The following MINAR2 variants were observed in gnomAD, a reference collection of about 807,000 sequenced individuals.
The protein encoded by MINAR2 is membrane integral NOTCH2 associated receptor 2.
In MINAR2, 21 loss-of-function variants were observed where a neutral mutation model predicts 16.1. The observed-to-expected ratio is 1.31, with a 90% CI of 0.93 to 1.88. The LOEUF (loss-of-function observed/expected upper bound fraction) is 1.88. Ranked by LOEUF, MINAR2 falls within the 40% of genes most tolerant of loss-of-function variation. The pLI, the probability that MINAR2 is intolerant of heterozygous loss-of-function variation, is 0.00. For missense variants in MINAR2, 259 were observed against 229.8 expected, an observed-to-expected ratio of 1.13 and a Z score of -0.82; for synonymous variants, 86 against 83.0, an observed-to-expected ratio of 1.04 and a Z score of -0.20.
intron 1 of MINAR2, among the ~76,000 whole-genome samples, chr5:129,751,234 A>G (rs1757981161): frequency 6.6e-6 from 1 of 151,850 alleles, no homozygotes; most frequent in African/African-American, 2.4e-5. Flanking sequence ...TCTGAGACAT[A>G]GTCTCACTCT....
intron 1 of MINAR2, among the ~76,000 whole-genome samples, chr5:129,749,667 A>C (rs1004119161): frequency 1.6e-4 from 25 of 152,314 alleles, no homozygotes; most frequent in African/African-American, 6.0e-4. Flanking sequence ...AAATCAGTTC[A>C]GAAAACTTGG....
chr5:129,759,172 G>C (rs988889627), intron 1 of MINAR2, among the ~76,000 whole-genome samples: 1 of 152,012 alleles, frequency 6.6e-6, no homozygotes, highest in Non-Finnish European at 1.5e-5. Flanking sequence ...GACAGCATCA[G>C]AGTATTGATA....
intron 1 of MINAR2, among the ~76,000 whole-genome samples, chr5:129,754,113 A>G (rs982855225): frequency 6.6e-6 from 1 of 152,158 alleles, no homozygotes; most frequent in Non-Finnish European, 1.5e-5. Flanking sequence ...GAAAGCCTAT[A>G]TTAAAGGTAC....
intron 2 of MINAR2, among the ~76,000 whole-genome samples, chr5:129,761,534 A>C (rs933724150): frequency 7.9e-5 from 12 of 152,154 alleles, no homozygotes; most frequent in Admixed American, 7.2e-4. Flanking sequence ...GAATCTTTGA[A>C]GTTTCTTAAT....
At chr5:129,752,536 C>T (rs1039664392) in intron 1 of MINAR2, among the ~76,000 whole-genome samples, 1 of 151,956 alleles carries the variant, frequency 6.6e-6, no homozygotes, top group African/African-American at 2.4e-5. Flanking sequence ...AACATGTGGA[C>T]GCAGGGAGGG....
chr5:129,762,511 G>A, intron 2 of MINAR2: 1 of 299,994 alleles, frequency 3.3e-6, no homozygotes, highest in East Asian at 9.8e-5. Flanking sequence ...GCTTACCTAT[G>A]ATACTCTTCA....
At chr5:129,757,327 G>A (rs569624780) in intron 1 of MINAR2, among the ~76,000 whole-genome samples, 1 of 151,974 alleles carries the variant, frequency 6.6e-6, no homozygotes. Flanking sequence ...AACAAAATTA[G>A]CGAGCATTTA....
chr5:129,751,141 T>A (rs1158820876), intron 1 of MINAR2, among the ~76,000 whole-genome samples: 1 of 152,226 alleles, frequency 6.6e-6, no homozygotes, highest in Non-Finnish European at 1.5e-5. Flanking sequence ...CTTTTAAAAT[T>A]CACTTTCCAT....
At chr5:129,763,645 T>G (rs1225179529) in intron 2 of MINAR2, among the ~76,000 whole-genome samples, 2 of 152,194 alleles carry the variant, frequency 1.3e-5, no homozygotes, top group Non-Finnish European at 2.9e-5. Context: ...GATTTTTACA[T>G]CATTACCCTT....
At chr5:129,751,429 G>A (rs1350547663) in intron 1 of MINAR2, among the ~76,000 whole-genome samples, 1 of 151,932 alleles carries the variant, frequency 6.6e-6, no homozygotes, top group Non-Finnish European at 1.5e-5. Context: ...GGCTGGCCTC[G>A]AACTCCTGCC....
chr5:129,760,513 G>T lies in MINAR2; in HGVS notation c.301G>T (p.Glu101Ter). 3 of 1,535,722 alleles carry T rather than the reference G, an allele frequency of 2.0e-6. No homozygotes were observed. The highest frequency in any genetic ancestry group is 8.7e-7 in the Non-Finnish European group (1 of 1,146,580). ...ACTCTATGGTGACCTAAGTTTGGAG[G>T]AAGCTATGGAAGAAAGAAAAAAGAA... ...NPLYGDLSLE[E>*]AMEERKKNPS... The change falls in exon 2 of 3, where the codon GAA (glutamate) becomes TAA (stop). Residue 101 changes from glutamate (E) to a stop codon, truncating the protein, a stop_gained. Coordinates refer to ENST00000564719, the MANE Select transcript of MINAR2 (RefSeq NM_001257308.2). LOFTEE classifies it high-confidence loss of function.
At chr5:129,752,123 G>C (rs1298867321) in intron 1 of MINAR2, among the ~76,000 whole-genome samples, 2 of 152,202 alleles carry the variant, frequency 1.3e-5, no homozygotes, top group African/African-American at 4.8e-5. Context: ...CACTGTTGGT[G>C]GGAATGTAAA....
chr5:129,753,508 C>T (rs897840259), intron 1 of MINAR2, among the ~76,000 whole-genome samples: 1 of 148,926 alleles, frequency 6.7e-6, no homozygotes, highest in Admixed American at 6.7e-5. Flanking sequence ...AGTCCCAGCA[C>T]TTTGGGAGGC....
intron 1 of MINAR2, among the ~76,000 whole-genome samples, chr5:129,759,267 AT>A (rs1448439775): frequency 2.0e-5 from 3 of 152,128 alleles, no homozygotes; most frequent in African/African-American, 7.2e-5. Flanking sequence ...TTACTGAAAA[AT>A]ATCTGTGAAT....
chr5:129,760,730 A>G, intron 2 of MINAR2, 125 bp downstream of exon 2: 1 of 735,402 alleles, frequency 1.4e-6, no homozygotes. Context: ...ATTTCAGAGC[A>G]TTTTGGCTCC....
At chr5:129,759,610 G>A (rs1170081066) in intron 1 of MINAR2, among the ~76,000 whole-genome samples, 1 of 151,994 alleles carries the variant, frequency 6.6e-6, no homozygotes, top group African/African-American at 2.4e-5. Flanking sequence ...TTAGAATTTG[G>A]GTGCTATTAT....
At chr5:129,758,263 T>A (rs1198478902) in intron 1 of MINAR2, among the ~76,000 whole-genome samples, 1 of 151,960 alleles carries the variant, frequency 6.6e-6, no homozygotes, top group Admixed American at 6.6e-5. Flanking sequence ...CAGTGAAGGG[T>A]TTTTTGTTGT....
chr5:129,766,651 A>AAC lies in MINAR2; in HGVS notation c.*1589_*1590insCA, dbSNP rs1561687165. ...GACTTCCATAAAAAAAAAAAAAAAAAAAAAACAAACAAACAAACAAAAAAA... is the reference window on the plus strand; with the variant it reads ...GACTTCCATAAAAAAAAAAAAAAAAAACAAAAACAAACAAACAAACAAAAAAA... On this transcript the variant is annotated 3_prime_UTR_variant, in exon 3 of 3. Coordinates refer to ENST00000564719, the MANE Select transcript of MINAR2 (RefSeq NM_001257308.2). 2 of 147,770 alleles carry AAC rather than the reference A, an allele frequency of 1.4e-5. No individual in the cohort carries two copies. The highest frequency in any genetic ancestry group is 3.9e-4 in the East Asian group (2 of 5,108). 9.2% of individuals were successfully genotyped at this position (147,770 alleles called of 1,614,324 possible). A position where few individuals can be genotyped will look rare whatever the true frequency, so the allele number is the denominator to read the frequency against.
intron 1 of MINAR2, among the ~76,000 whole-genome samples, chr5:129,750,554 A>C (rs904350615): frequency 6.6e-6 from 1 of 152,204 alleles, no homozygotes; most frequent in African/African-American, 2.4e-5. Context: ...CAGTATTAGG[A>C]TAATATTTAT....
Sources: allele counts gnomAD v4.1 joint callset (sites outside exome capture counted in the v4.1 genomes callset), GRCh38; gene constraint gnomAD v4.1.1; transcripts MANE v1.5; gene names NCBI Gene and HGNC (gene_info 2026-07-23, HGNC 2026-07-21).